Variants in RYR2 observed in about 807,000 individuals in gnomAD.
RYR2 encodes cardiac muscle ryanodine receptor-calcium release channel.
RYR2 carries 227 observed loss-of-function variants against 601.1 expected under a neutral mutation model. The ratio of observed to expected loss-of-function variants is 0.38; its 90% CI spans 0.34 to 0.42. The LOEUF is 0.42. Ranked by LOEUF, RYR2 falls within the 10% of genes least tolerant of loss-of-function variation. RYR2 has a pLI of 1.00. For synonymous variants in RYR2, 2,223 were observed against 2,175.1 expected, an observed-to-expected ratio of 1.02 and a Z score of -0.61; for missense variants, 4,646 against 6,156.5, an observed-to-expected ratio of 0.75 and a Z score of 8.21.
chr1:237,423,593 G>A (rs1013859582), intron 12 of RYR2, among the ~76,000 whole-genome samples: 14 of 150,392 alleles, frequency 9.3e-5, no homozygotes, highest in African/African-American at 3.2e-4. Context: ...AATGAAAGGT[G>A]TTTCATGTCG....
In RYR2 at chr1:237,631,613, A is replaced by ATTTTTTTTTTTT. The variant is rs556269614; in HGVS notation, c.6555+93_6555+104dup. 94 of 208,582 alleles carry ATTTTTTTTTTTT rather than the reference A, an allele frequency of 4.5e-4. 20 individuals carry two copies. Among genetic ancestry groups the ATTTTTTTTTTTT allele is most frequent in the African/African-American group, 3.8e-3 (57 of 14,846 alleles). 12.9% of individuals were successfully genotyped at this position (208,582 alleles called of 1,614,324 possible). A position where few individuals can be genotyped will look rare whatever the true frequency, so the allele number is the denominator to read the frequency against. The stretch of plus-strand genomic sequence containing the variant: ...GTATATAGATTGATATAGAATGCAG[A>ATTTTTTTTTTTT]TTTTTTTTTTTTTTTTTTTTTTTTT... On this transcript the variant is annotated intron_variant, in intron 42 of 104. Transcript: ENST00000366574.
intron 1 of RYR2, among the ~76,000 whole-genome samples, chr1:237,226,740 G>A (rs999754062): frequency 3.3e-5 from 5 of 152,050 alleles, no homozygotes; most frequent in Admixed American, 2.6e-4. Flanking sequence ...ATGGAGTAGG[G>A]AAGACATATG....
chr1:237,780,237 G>GAGTT (rs1166863998), intron 88 of RYR2, among the ~76,000 whole-genome samples: 4 of 152,184 alleles, frequency 2.6e-5, no homozygotes, highest in African/African-American at 9.7e-5. Context: ...TGTCAGTATG[G>GAGTT]AGTTATTGGT....
intron 38 of RYR2, among the ~76,000 whole-genome samples, chr1:237,623,371 C>CTTTCTTTGTTTCTTTCTTTCTTTCTTTG (rs1553528200): frequency 3.2e-5 from 2 of 63,450 alleles, no homozygotes; most frequent in African/African-American, 1.0e-4. Flanking sequence ...TTCTTTCTTT[C>CTTTCTTTGTTTCTTTCTTTCTTTCTTTG]TTTCTTTCTT....
At chr1:237,601,401 A>G (rs1207586800) in intron 34 of RYR2, among the ~76,000 whole-genome samples, 3 of 152,142 alleles carry the variant, frequency 2.0e-5, no homozygotes, top group Admixed American at 1.3e-4. Context: ...GGAAGTAGTG[A>G]ATAGAATAGT....
chr1:237,707,705 A>G (rs1323380746), intron 68 of RYR2, among the ~76,000 whole-genome samples: 4 of 152,220 alleles, frequency 2.6e-5, no homozygotes, highest in Non-Finnish European at 5.9e-5. Flanking sequence ...TAAGTACCCA[A>G]TAACCAGAAT....
intron 94 of RYR2, 47 bp downstream of exon 94, chr1:237,792,370 T>TGCGCGC (rs1553327318): frequency 5.9e-5 from 56 of 945,648 alleles, no homozygotes; most frequent in Middle Eastern, 3.0e-4. Context: ...TGTGTGTGTG[T>TGCGCGC]GTGTGTGTGT....
At chr1:237,251,707 C>G (rs1395575107) in intron 1 of RYR2, among the ~76,000 whole-genome samples, 1 of 152,136 alleles carries the variant, frequency 6.6e-6, no homozygotes, top group Non-Finnish European at 1.5e-5. Flanking sequence ...TATCTTCAGC[C>G]ATGACATTTT....
chr1:237,528,422 T>A (rs1377472430), intron 24 of RYR2, among the ~76,000 whole-genome samples: 1 of 152,072 alleles, frequency 6.6e-6, no homozygotes, highest in Non-Finnish European at 1.5e-5. Flanking sequence ...CCACTGGGAG[T>A]CCTGGAACAT....
intron 79 of RYR2, among the ~76,000 whole-genome samples, chr1:237,739,930 A>G (rs945453817): frequency 1.3e-5 from 2 of 152,180 alleles, no homozygotes; most frequent in African/African-American, 4.8e-5. Flanking sequence ...TGGATACCTG[A>G]ATGATCTGAC....
intron 29 of RYR2, among the ~76,000 whole-genome samples, chr1:237,575,936 A>G (rs1673177177): frequency 2.0e-5 from 3 of 152,318 alleles, no homozygotes; most frequent in South Asian, 2.1e-4. Context: ...AGTGTTTCAC[A>G]AGGTAGAATT....
intron 16 of RYR2, among the ~76,000 whole-genome samples, chr1:237,458,378 A>G (rs1042459331): frequency 6.6e-6 from 1 of 152,146 alleles, no homozygotes; most frequent in Non-Finnish European, 1.5e-5. Flanking sequence ...GCAGTGAGCC[A>G]AGATTGCGCC....
intron 1 of RYR2, among the ~76,000 whole-genome samples, chr1:237,065,793 C>T (rs1419725969): frequency 6.6e-6 from 1 of 152,170 alleles, no homozygotes; most frequent in Non-Finnish European, 1.5e-5. Context: ...ACAGGCTATA[C>T]AGGAAACATG....
At chr1:237,475,583 CAG>C (rs1163775429) in intron 17 of RYR2, among the ~76,000 whole-genome samples, 1 of 152,136 alleles carries the variant, frequency 6.6e-6, no homozygotes, top group Admixed American at 6.5e-5. Flanking sequence ...AAAAATTATA[CAG>C]AGACACATTA....
chr1:237,046,647 A>G (rs1660645410), intron 1 of RYR2, among the ~76,000 whole-genome samples: 1 of 152,200 alleles, frequency 6.6e-6, no homozygotes, highest in African/African-American at 2.4e-5. Flanking sequence ...TAGGGCACTA[A>G]TTTATTTGAC....
At chr1:237,347,973 G>T (rs1698439761) in intron 3 of RYR2, among the ~76,000 whole-genome samples, 1 of 152,056 alleles carries the variant, frequency 6.6e-6, no homozygotes, top group African/African-American at 2.4e-5. Context: ...TTTCCCTTTG[G>T]GGCATTTGCT....
intron 63 of RYR2, among the ~76,000 whole-genome samples, chr1:237,696,942 G>A (rs1449600963): frequency 6.6e-6 from 1 of 151,930 alleles, no homozygotes; most frequent in Non-Finnish European, 1.5e-5. Flanking sequence ...CCCACATAGG[G>A]AATTAATTCT....
chr1:237,216,512 C>T lies in RYR2; in HGVS notation c.49-53985C>T, dbSNP rs188882326. Among the ~76,000 whole-genome samples the T allele has an allele frequency of 5.3e-5, 8 of 151,874 alleles. No individual in the cohort carries two copies. In the East Asian group the frequency reaches 5.8e-4, roughly 11 times the overall value. On this transcript the variant is annotated intron_variant, in intron 1 of 104. Transcript: ENST00000366574. ...CAGCACTTTGAGAGGCTGAGGCAGG[C>T]GGAGCACCTGATGTCAGGAGTTTGA...
intron 5 of RYR2, among the ~76,000 whole-genome samples, chr1:237,368,227 T>C (rs1476907884): frequency 6.6e-6 from 1 of 152,220 alleles, no homozygotes; most frequent in Non-Finnish European, 1.5e-5. Flanking sequence ...ATTCCATTCT[T>C]ATAAAAACTT....
Sources: gnomAD v4.1 joint callset for allele counts (sites outside exome capture counted in the v4.1 genomes callset) on GRCh38, gnomAD v4.1.1 for gene constraint, MANE v1.5 for transcripts, NCBI Gene and HGNC (gene_info 2026-07-23, HGNC 2026-07-21) for gene names.